Variants in STON2 observed in about 807,000 individuals in gnomAD.
STON2 encodes stonin 2.
Under a neutral mutation model 65.7 loss-of-function variants are expected in STON2, and 29 were observed. The ratio of observed to expected loss-of-function variants is 0.44; its 90% CI spans 0.33 to 0.60. The LOEUF is 0.60. Ranked by LOEUF, STON2 falls within the 20% of genes least tolerant of loss-of-function variation. The pLI is 0.03. For synonymous variants in STON2, 404 were observed against 414.2 expected (o/e 0.98, Z 0.30); for missense variants, 1,054 against 1,118.1 (o/e 0.94, Z 0.82).
At chr14:81,274,575 T>C (rs1023688212) in intron 6 of STON2, among the ~76,000 whole-genome samples, 1 of 152,074 alleles carries the variant, frequency 6.6e-6, no homozygotes, top group Admixed American at 6.6e-5. Context: ...TGCTACATGT[T>C]GTCTTGGTGG....
At chr14:81,269,631 G>C (rs1894492538) in intron 7 of STON2, 1 of 985,024 alleles carries the variant, frequency 1.0e-6, no homozygotes, top group Non-Finnish European at 1.2e-6. Context: ...TGTTCCTTTT[G>C]GTAGTTAAAT....
Position 81,278,548 on chromosome 14 carries a change from T to A in STON2, c.934A>T (p.Thr312Ser), listed in dbSNP as rs1285453610. The A allele has an allele frequency of 6.2e-7, 1 of 1,612,744 alleles. No individual in the cohort carries two copies. The highest frequency in any genetic ancestry group is 8.5e-7 in the Non-Finnish European group (1 of 1,179,178). Reference sequence around the variant, plus strand: ...GGGATCACAGATGCACTTGGTGGTGTATTTGGCTTCAGAGGAGAGGTGACT... The same window carrying A: ...GGGATCACAGATGCACTTGGTGGTGAATTTGGCTTCAGAGGAGAGGTGACT... ...PPVTSPLKPN[T>S]PPSASVIPDV... Residue 312 changes from threonine to serine, a missense_variant, in exon 6 of 8, where the codon ACA (threonine) becomes TCA (serine). Physicochemically the swap from Thr to Ser is moderately conservative, Grantham distance 58. Coordinates refer to ENST00000614646, the MANE Select transcript of STON2 (RefSeq NM_001394390.1).
intron 5 of STON2, among the ~76,000 whole-genome samples, chr14:81,313,011 T>C (rs947677555): frequency 1.3e-5 from 2 of 152,268 alleles, no homozygotes; most frequent in Non-Finnish European, 2.9e-5. Context: ...TTCATTGCTC[T>C]TCTTGTCATT....
intron 2 of STON2, 117 bp from the exon 3 acceptor site, chr14:81,396,295 A>G (rs1320862371): frequency 2.2e-6 from 2 of 899,730 alleles, no homozygotes; most frequent in African/African-American, 3.4e-5. Flanking sequence ...CACTGCAGTG[A>G]GTGGGGAGAA....
At chr14:81,273,444 G>T in intron 6 of STON2, among the ~76,000 whole-genome samples, 1 of 152,208 alleles carries the variant, frequency 6.6e-6, no homozygotes, top group African/African-American at 2.4e-5. Flanking sequence ...TGAGAAGGGG[G>T]ATTCCTGCAA....
At chr14:81,307,944 C>G (rs1387405548) in intron 5 of STON2, among the ~76,000 whole-genome samples, 1 of 152,116 alleles carries the variant, frequency 6.6e-6, no homozygotes, top group Non-Finnish European at 1.5e-5. Flanking sequence ...GGATTTTCTA[C>G]TGCTTGGGGG....
chr14:81,339,663 G>A (rs61986568), intron 4 of STON2, among the ~76,000 whole-genome samples: 193 of 152,258 alleles, frequency 1.3e-3, no homozygotes, highest in Non-Finnish European at 2.2e-3. Context: ...AGAAGGCCAG[G>A]CTAAAGTTTT....
intron 2 of STON2, among the ~76,000 whole-genome samples, chr14:81,420,608 G>T (rs1461514099): frequency 2.0e-5 from 3 of 152,178 alleles, no homozygotes; most frequent in Admixed American, 2.0e-4. Context: ...TGGGTGCATA[G>T]GAGTGACACC....
chr14:81,274,664 G>A (rs1191028362), intron 6 of STON2, among the ~76,000 whole-genome samples: 9 of 152,074 alleles, frequency 5.9e-5, no homozygotes, highest in East Asian at 3.9e-4. Context: ...GGCCAGGTGC[G>A]GTGCCTCAGA....
chr14:81,281,757 G>A (rs928045566), intron 5 of STON2, among the ~76,000 whole-genome samples: 5 of 152,044 alleles, frequency 3.3e-5, no homozygotes, highest in East Asian at 1.9e-4. Context: ...TTTAAATCAC[G>A]CCAAGTCCTA....
At chr14:81,422,608 G>C (rs982258960) in intron 2 of STON2, among the ~76,000 whole-genome samples, 3 of 152,172 alleles carry the variant, frequency 2.0e-5, no homozygotes, top group Non-Finnish European at 4.4e-5. Context: ...AGAAAGGAGA[G>C]AATAGGAGGC....
rs114749808 is a variant in STON2 at position 81,358,490 on chromosome 14, G to A, written c.571+12498C>T. On this transcript the variant is annotated intron_variant, in intron 4 of 7. Transcript: ENST00000614646. Reference sequence around the variant, plus strand: ...GAAGTCAGAAGAAAGGAAGGAAAATGTATCTACAAAACAACCAGAAGGCAA... The same window carrying A: ...GAAGTCAGAAGAAAGGAAGGAAAATATATCTACAAAACAACCAGAAGGCAA... Among the ~76,000 whole-genome samples the A allele has an allele frequency of 5.0e-3, 756 of 152,162 alleles. 11 individuals are homozygous for A. The highest frequency in any genetic ancestry group is 0.018 in the African/African-American group (733 of 41,538).
At chr14:81,281,062 C>T (rs1231502279) in intron 5 of STON2, among the ~76,000 whole-genome samples, 5 of 150,952 alleles carry the variant, frequency 3.3e-5, no homozygotes, top group African/African-American at 4.9e-5. Context: ...AGGCTAAACA[C>T]GAGTATGCAT....
chr14:81,298,476 C>T (rs375905601), intron 5 of STON2, among the ~76,000 whole-genome samples: 2 of 151,954 alleles, frequency 1.3e-5, no homozygotes, highest in African/African-American at 4.8e-5. Context: ...TGAGCAAAGT[C>T]ACCCTGGACT....
At chr14:81,385,007 G>A (rs1595426575) in intron 3 of STON2, among the ~76,000 whole-genome samples, 1 of 152,274 alleles carries the variant, frequency 6.6e-6, no homozygotes, top group East Asian at 1.9e-4. Context: ...CTCCCCAAAA[G>A]CTCCATTAGT....
intron 3 of STON2, among the ~76,000 whole-genome samples, chr14:81,381,408 A>C (rs544980504): frequency 1.1e-4 from 16 of 152,358 alleles, no homozygotes; most frequent in Admixed American, 6.5e-4. Context: ...GACCATTCAC[A>C]GGATAGGAGA....
chr14:81,374,169 C>G (rs1166105021), intron 3 of STON2, among the ~76,000 whole-genome samples: 1 of 151,120 alleles, frequency 6.6e-6, no homozygotes, highest in Non-Finnish European at 1.5e-5. Context: ...CGCCACCATG[C>G]CCGGCCGATT....
intron 4 of STON2, among the ~76,000 whole-genome samples, chr14:81,343,840 T>C (rs1291239850): frequency 1.3e-5 from 2 of 151,778 alleles, no homozygotes; most frequent in African/African-American, 4.9e-5. Flanking sequence ...TATTATTATT[T>C]CCATTCTACA....
At chr14:81,279,973 T>C (rs764092763) in intron 5 of STON2, among the ~76,000 whole-genome samples, 10 of 152,178 alleles carry the variant, frequency 6.6e-5, no homozygotes, top group Non-Finnish European at 1.5e-4. Flanking sequence ...GGGAAAAATA[T>C]TTTAAATATT....
Sources: allele counts gnomAD v4.1 joint callset (sites outside exome capture counted in the v4.1 genomes callset), GRCh38; gene constraint gnomAD v4.1.1; transcripts MANE v1.5; gene names NCBI Gene and HGNC (gene_info 2026-07-23, HGNC 2026-07-21).